Variants in MOXD1 observed in about 807,000 individuals in gnomAD.
MOXD1 encodes the protein monooxygenase DBH like 1.
In MOXD1, 62 loss-of-function variants were observed where a neutral mutation model predicts 66.6. The observed-to-expected ratio is 0.93, with a 90% CI of 0.76 to 1.15. The LOEUF is 1.15. Ranked by LOEUF, MOXD1 falls within the 50% of genes most tolerant of loss-of-function variation. MOXD1 has a pLI of 0.00. For missense variants in MOXD1, 847 were observed against 754.6 expected (o/e 1.12, Z -1.44); for synonymous variants, 303 against 281.9 (o/e 1.07, Z -0.75).
chr6:132,368,278 A>C (rs1225687532), intron 4 of MOXD1, among the ~76,000 whole-genome samples: 1 of 152,128 alleles, frequency 6.6e-6, no homozygotes, highest in African/African-American at 2.4e-5. Flanking sequence ...CACATCTAAA[A>C]TAAAGCTTAA....
At position 132,328,535 on chromosome 6, in the gene MOXD1, C is replaced by T. The variant is rs367913350; in HGVS notation, c.723G>A (p.Gln241=). ...CGCTGTCGTTAAAGTTGTTGCTGCA[C>T]TGATAGAGCAGGATGTGGTGCACCA... ...ESLVHHILLY[Q]CSNNFNDSVL... The change falls in exon 5 of 12, where the codon CAG becomes CAA. Residue 241 remains glutamine (Q), a synonymous_variant. Coordinates refer to ENST00000367963, the MANE Select transcript of MOXD1 (RefSeq NM_015529.4). The T allele has an allele frequency of 4.6e-5, 74 of 1,614,026 alleles. No individual in the cohort carries two copies. The Admixed American group carries it at 1.0e-3, about 22-fold the overall frequency.
At chr6:132,383,223 A>G (rs531737762) in intron 1 of MOXD1, among the ~76,000 whole-genome samples, 1 of 152,336 alleles carries the variant, frequency 6.6e-6, no homozygotes, top group South Asian at 2.1e-4. Flanking sequence ...AATAATAAAT[A>G]TTTTGTGTTA....
intron 4 of MOXD1, among the ~76,000 whole-genome samples, chr6:132,346,061 G>A (rs1035430396): frequency 6.7e-6 from 1 of 149,102 alleles, no homozygotes; most frequent in Non-Finnish European, 1.5e-5. Flanking sequence ...TTGTTGTGGG[G>A]GATGGGGGGA....
At chr6:132,340,155 T>A (rs1289705099) in intron 4 of MOXD1, among the ~76,000 whole-genome samples, 3 of 152,032 alleles carry the variant, frequency 2.0e-5, no homozygotes, top group African/African-American at 7.2e-5. Context: ...AGTGTTGGGA[T>A]TACAGGTGCG....
At chr6:132,311,990 T>C (rs1257433979) in intron 10 of MOXD1, among the ~76,000 whole-genome samples, 1 of 152,092 alleles carries the variant, frequency 6.6e-6, no homozygotes, top group Non-Finnish European at 1.5e-5. Context: ...ACAGAACCAA[T>C]AACACAGGAA....
rs1054650857 is a variant in MOXD1 at position 132,401,036 on chromosome 6, G to C, written c.264+127C>G. The C allele has an allele frequency of 2.3e-5, 28 of 1,207,538 alleles. No individual in the cohort carries two copies. In the East Asian group the frequency reaches 4.7e-4, roughly 20 times the overall value. The allele number at this position is 1,207,538 out of a possible 1,614,324, so 74.8% of individuals were successfully genotyped here. On this transcript the variant is annotated intron_variant, in intron 1 of 11. Coordinates refer to ENST00000367963, the MANE Select transcript of MOXD1 (RefSeq NM_015529.4). ...CGCGGAGGCGAGAGTGAGCGTGGCC[G>C]GGGGCGCGGGGCTGCGCCAGGTGAG... is the stretch of plus-strand genomic sequence containing the variant.
At chr6:132,303,810 T>C (rs1774613045) in intron 10 of MOXD1, among the ~76,000 whole-genome samples, 2 of 37,690 alleles carry the variant, frequency 5.3e-5, no homozygotes, top group Admixed American at 5.8e-4. Flanking sequence ...CACACACATG[T>C]GTGTGTGTGT....
rs150745999 is a variant in MOXD1, at chr6:132,379,724, T to A, written c.265-4947A>T. ...AGTCTTATTGTCATTTCAAATGCAA[T>A]GGATCCAAAATTGTATTCATATTTT... On this transcript the variant is annotated intron_variant, in intron 1 of 11. Transcript: ENST00000367963. 1.9e-3 allele frequency among the ~76,000 whole-genome samples: 297 copies of A among 152,364 alleles called. 1 individual carries two copies. The highest frequency in any genetic ancestry group is 5.7e-3 in the African/African-American group (235 of 41,590).
At chr6:132,349,562 G>T (rs578034178) in intron 4 of MOXD1, among the ~76,000 whole-genome samples, 1 of 145,732 alleles carries the variant, frequency 6.9e-6, no homozygotes, top group African/African-American at 2.5e-5. Context: ...TTGCAATTGC[G>T]AAATGTGCCG....
chr6:132,369,336 C>A (rs141547745), intron 4 of MOXD1, among the ~76,000 whole-genome samples: 1,700 of 152,200 alleles, frequency 0.011, 35 homozygotes, highest in African/African-American at 0.039. Flanking sequence ...TCCATTTCAA[C>A]TAAGCACTTA....
At chr6:132,348,845 C>T (rs918930377) in intron 4 of MOXD1, among the ~76,000 whole-genome samples, 3 of 152,124 alleles carry the variant, frequency 2.0e-5, no homozygotes, top group South Asian at 2.1e-4. Flanking sequence ...CTTCACTCCC[C>T]GCTAAACCAG....
At position 132,324,073 on chromosome 6, in the gene MOXD1, C is replaced by T. The variant is rs754026200; in HGVS notation, c.971G>A (p.Arg324Lys). Residue 324 changes from arginine (R) to lysine (K), a missense_variant, in exon 7 of 12, where the codon AGG becomes AAG. Coordinates refer to ENST00000367963, the MANE Select transcript of MOXD1 (RefSeq NM_015529.4). Reference sequence around the variant, plus strand: ...CCTTATATCCATTGTGTAAAATAACCTCAGTCCAGAATTATCTATTAAGCC... The same window carrying T: ...CCTTATATCCATTGTGTAAAATAACTTCAGTCCAGAATTATCTATTAAGCC... Reference protein sequence around the residue: ...EEGLIDNSGLRLFYTMDIRKY... With the variant: ...EEGLIDNSGLKLFYTMDIRKY... 6.2e-7 allele frequency: 1 copy of T among 1,613,510 alleles called. No homozygotes were observed.
At chr6:132,307,421 G>A (rs1774719449) in intron 10 of MOXD1, among the ~76,000 whole-genome samples, 1 of 152,160 alleles carries the variant, frequency 6.6e-6, no homozygotes, top group Non-Finnish European at 1.5e-5. Context: ...ATAATAGTGG[G>A]AGACTTTAAC....
rs774539419 is a variant in MOXD1 at position 132,320,611 on chromosome 6, T to C, written c.1365+18A>G. ...TCTCTCCATAAATGAACTTTAATAA[T>C]AATAAAAGTTTTCTTACCCAAGTCA... On this transcript the variant is annotated intron_variant, in intron 9 of 11. Coordinates refer to ENST00000367963, the MANE Select transcript of MOXD1 (RefSeq NM_015529.4). The C allele has an allele frequency of 6.3e-7, 1 of 1,583,414 alleles. No individual in the cohort carries two copies. The highest frequency in any genetic ancestry group is 8.6e-7 in the Non-Finnish European group (1 of 1,162,152).
chr6:132,388,046 T>G (rs1410623270), intron 1 of MOXD1, among the ~76,000 whole-genome samples: 1 of 151,354 alleles, frequency 6.6e-6, no homozygotes, highest in East Asian at 1.9e-4. Flanking sequence ...GACTTCGAAG[T>G]TTTTTCAAAA....
rs60580838 is a variant in MOXD1 at position 132,393,151 on chromosome 6, A to AGTGT, written c.264+8008_264+8011dup. ...CTTCCAACTCCTTGTGAGTGGAGTGAGTGTGTGTGTGTGTGTGTCAGACAG... is the reference window on the plus strand; with the variant it reads ...CTTCCAACTCCTTGTGAGTGGAGTGAGTGTGTGTGTGTGTGTGTGTGTCAGACAG... On this transcript the variant is annotated intron_variant, in intron 1 of 11. Transcript: ENST00000367963. 2.4e-3 allele frequency among the ~76,000 whole-genome samples: 355 copies of AGTGT among 150,746 alleles called. 3 individuals carry two copies. The highest frequency in any genetic ancestry group is 4.2e-3 in the African/African-American group (172 of 41,092).
intron 4 of MOXD1, among the ~76,000 whole-genome samples, chr6:132,341,436 A>G (rs150534068): frequency 1.3e-5 from 2 of 152,312 alleles, no homozygotes; most frequent in Non-Finnish European, 2.9e-5. Flanking sequence ...ACAGACTAAG[A>G]CATGTTTAGT....
chr6:132,302,047 G>GCC (rs910783392), intron 10 of MOXD1, among the ~76,000 whole-genome samples: 72 of 152,258 alleles, frequency 4.7e-4, no homozygotes, highest in Admixed American at 2.0e-3. Context: ...GTAGACTACT[G>GCC]CAGAGGAAAA....
chr6:132,380,616 T>C (rs980747514), intron 1 of MOXD1, among the ~76,000 whole-genome samples: 3 of 152,260 alleles, frequency 2.0e-5, no homozygotes, highest in African/African-American at 7.2e-5. Context: ...GCAATCTATT[T>C]TAGGCATTGC....
Sources: gnomAD v4.1 joint callset for allele counts (sites outside exome capture counted in the v4.1 genomes callset) on GRCh38, gnomAD v4.1.1 for gene constraint, MANE v1.5 for transcripts, NCBI Gene and HGNC (gene_info 2026-07-23, HGNC 2026-07-21) for gene names.